Variants in SGSM2 observed in about 807,000 individuals in gnomAD.
The protein encoded by SGSM2 is RUN and TBC1 domain containing 1.
A neutral mutation model predicts 126.6 loss-of-function variants in SGSM2; 89 were observed. The observed-to-expected ratio is 0.70, with a 90% CI of 0.59 to 0.84. SGSM2 has a LOEUF of 0.84. Among genes scored for constraint, SGSM2 ranks in the 40% least tolerant of loss-of-function variants. SGSM2 has a pLI of 0.00. For synonymous variants in SGSM2, 614 were observed against 574.3 expected, an observed-to-expected ratio of 1.07 and a Z score of -0.99; for missense variants, 1,404 against 1,416.6, an observed-to-expected ratio of 0.99 and a Z score of 0.14.
Position 2,365,332 on chromosome 17 carries a change from C to T in SGSM2, c.1279C>T (p.His427Tyr). The T allele has an allele frequency of 1.9e-6, 3 of 1,559,554 alleles. No individual in the cohort carries two copies. Among genetic ancestry groups the T allele is most frequent in the Non-Finnish European group, 2.6e-6 (3 of 1,150,322 alleles). The change falls in exon 11 of 24, where the codon CAC (histidine) becomes TAC (tyrosine). Residue 427 changes from histidine to tyrosine, a missense_variant. Transcript: ENST00000268989. Reference protein sequence around the residue: ...VFRIIYPGHRHEHITINYHHL... With the variant: ...VFRIIYPGHRYEHITINYHHL... Reference sequence around the variant, plus strand: ...CCGGATCATCTACCCCGGCCACAGGCACGAGCACAGTGAGTGTCCCGAGCT... The same window carrying T: ...CCGGATCATCTACCCCGGCCACAGGTACGAGCACAGTGAGTGTCCCGAGCT...
intron 9 of SGSM2, 29 bp downstream of exon 9, chr17:2,364,692 G>C: frequency 1.2e-6 from 2 of 1,613,384 alleles, no homozygotes; most frequent in South Asian, 1.1e-5. Flanking sequence ...CGGCTCGGGT[G>C]GGAAGGGAGA....
At chr17:2,347,177 C>A (rs2151491609) in intron 2 of SGSM2, among the ~76,000 whole-genome samples, 1 of 152,288 alleles carries the variant, frequency 6.6e-6, no homozygotes. Context: ...GCTATCTCAG[C>A]TCACTGCAAC....
Position 2,364,136 on chromosome 17 carries a change from C to A in SGSM2, c.885C>A (p.Pro295=). 6.2e-7 allele frequency: 1 copy of A among 1,614,026 alleles called. No homozygotes were observed. Among genetic ancestry groups the A allele is most frequent in the Non-Finnish European group, 8.5e-7 (1 of 1,180,028 alleles). The change falls in exon 8 of 24, where the codon CCC becomes CCA. Residue 295 remains proline (P), a synonymous_variant. Coordinates refer to ENST00000268989, the MANE Select transcript of SGSM2 (RefSeq NM_014853.3). The stretch of plus-strand genomic sequence containing the variant: ...AGAGCCTGACTCTGAAGTGGACCCC[C>A]AACCAGCTCATGAATGGGACTCTGG... ...SAESLTLKWT[P]NQLMNGTLGD... is the part of the protein sequence containing the mutation.
chr17:2,345,106 C>G (rs917429557), intron 2 of SGSM2, among the ~76,000 whole-genome samples: 1 of 151,838 alleles, frequency 6.6e-6, no homozygotes, highest in African/African-American at 2.4e-5. Flanking sequence ...TTTTTCTCAG[C>G]AGAACCTATG....
In SGSM2 at chr17:2,372,862, GC is replaced by G; in HGVS notation, c.1789-87del. 6.7e-7 allele frequency: 1 copy of G among 1,496,972 alleles called. No individual in the cohort carries two copies. 92.7% of individuals were successfully genotyped at this position (1,496,972 alleles called of 1,614,324 possible). A position where few individuals can be genotyped will look rare whatever the true frequency, so the allele number is the denominator to read the frequency against. On this transcript the variant is annotated intron_variant, in intron 15 of 23. Coordinates refer to ENST00000268989, the MANE Select transcript of SGSM2 (RefSeq NM_014853.3). The surrounding 1 kb of genome is among the most constrained non-coding windows in gnomAD (Gnocchi z 6.0). ...GGCTTCAGCAGTCACTACAGGCCCC[GC>G]CCCAGCCCATTCTCCGTGGGATGGG... is the stretch of plus-strand genomic sequence containing the variant.
chr17:2,343,922 T>G (rs2064482950), intron 2 of SGSM2, among the ~76,000 whole-genome samples: 1 of 151,866 alleles, frequency 6.6e-6, no homozygotes, highest in Admixed American at 6.6e-5. Flanking sequence ...AACCCTGGAG[T>G]TTCTGATTCT....
chr17:2,378,402 T>A lies in SGSM2; in HGVS notation c.2899+449T>A, dbSNP rs538515181. Reference sequence around the variant, plus strand: ...GCCAGCCTGGCCAACATGGTGAAACTCCGTCTCTACTAAAAATACAAAAAT... The same window carrying A: ...GCCAGCCTGGCCAACATGGTGAAACACCGTCTCTACTAAAAATACAAAAAT... On this transcript the variant is annotated intron_variant, in intron 22 of 23. Transcript: ENST00000268989. Among the ~76,000 whole-genome samples, 16 of 152,024 alleles carry A rather than the reference T, an allele frequency of 1.1e-4. No homozygotes were observed. In the East Asian group the frequency reaches 2.7e-3, roughly 26 times the overall value.
At chr17:2,375,936 G>A (rs889411413) in intron 18 of SGSM2, 61 bp downstream of exon 18, 29 of 1,512,782 alleles carry the variant, frequency 1.9e-5, no homozygotes, top group Non-Finnish European at 2.3e-5. Flanking sequence ...ACATCCCAGA[G>A]CTGGGGAAGC....
At position 2,379,572 on chromosome 17, in the gene SGSM2, G is replaced by C; in HGVS notation, c.*52G>C. ...CAGAGCCTGGGCTCCGGCAGGGAGA[G>C]GTGCAGGGGAGTCACCGCCCAGACC... On this transcript the variant is annotated 3_prime_UTR_variant, in exon 24 of 24. Transcript: ENST00000268989. The C allele has an allele frequency of 6.3e-7, 1 of 1,582,920 alleles. No homozygotes were observed. The highest frequency in any genetic ancestry group is 8.6e-7 in the Non-Finnish European group (1 of 1,159,280).
In SGSM2 at chr17:2,372,862, G is replaced by A. The variant is rs943657828; in HGVS notation, c.1789-91G>A. 1.5e-5 allele frequency: 23 copies of A among 1,496,860 alleles called. No homozygotes were observed. In the East Asian group the frequency reaches 3.7e-4, roughly 24 times the overall value. 92.7% of individuals were successfully genotyped at this position (1,496,860 alleles called of 1,614,324 possible). ...GGCTTCAGCAGTCACTACAGGCCCC[G>A]CCCCAGCCCATTCTCCGTGGGATGG... On this transcript the variant is annotated intron_variant, in intron 15 of 23. Transcript: ENST00000268989. This position sits in a 1 kb window ranked among gnomAD's most constrained non-coding sequence, Gnocchi z 6.0.
In SGSM2 at chr17:2,372,704, G is replaced by A; in HGVS notation, c.1788+216G>A. 1 of 811,604 alleles carries A rather than the reference G, an allele frequency of 1.2e-6. No homozygotes were observed. The highest frequency in any genetic ancestry group is 1.9e-6 in the Non-Finnish European group (1 of 517,102). 50.3% of individuals were successfully genotyped at this position (811,604 alleles called of 1,614,324 possible). Reference sequence around the variant, plus strand: ...CCGTCCTGCCTCCACATCGCCCTGTGACCCTGGACAAAGCTTTGCCTCTCT... The same window carrying A: ...CCGTCCTGCCTCCACATCGCCCTGTAACCCTGGACAAAGCTTTGCCTCTCT... On this transcript the variant is annotated intron_variant, in intron 15 of 23. Coordinates refer to ENST00000268989, the MANE Select transcript of SGSM2 (RefSeq NM_014853.3). This position sits in a 1 kb window ranked among gnomAD's most constrained non-coding sequence, Gnocchi z 6.0.
Position 2,377,971 on chromosome 17 carries a change from T to C in SGSM2, c.2899+18T>C. ...TAAGAGAGGTAAGAAGTGGGTTGGA[T>C]CATGGGGCTGAGGTCAGGGACAGTG... On this transcript the variant is annotated intron_variant, in intron 22 of 23. Coordinates refer to ENST00000268989, the MANE Select transcript of SGSM2 (RefSeq NM_014853.3). 6.6e-7 allele frequency: 1 copy of C among 1,506,030 alleles called. No individual in the cohort carries two copies. The highest frequency in any genetic ancestry group is 9.2e-7 in the Non-Finnish European group (1 of 1,082,294). The allele number at this position is 1,506,030 out of a possible 1,614,324, so 93.3% of individuals were successfully genotyped here.
At chr17:2,366,231 C>G (rs2065577489) in intron 11 of SGSM2, among the ~76,000 whole-genome samples, 1 of 152,126 alleles carries the variant, frequency 6.6e-6, no homozygotes, top group Non-Finnish European at 1.5e-5. Context: ...CTGCCCCACC[C>G]TGGACACACA....
rs1477093702 is a variant in SGSM2, at chr17:2,367,490, G to C, written c.1423+85G>C. The C allele has an allele frequency of 1.2e-5, 17 of 1,449,998 alleles. No homozygotes were observed. Among genetic ancestry groups the C allele is most frequent in the Non-Finnish European group, 1.6e-5 (17 of 1,066,258 alleles). 89.8% of individuals were successfully genotyped at this position (1,449,998 alleles called of 1,614,324 possible). A position where few individuals can be genotyped will look rare whatever the true frequency, so the allele number is the denominator to read the frequency against. ...TGCCACCCACCACAGGGGTTCGAAC[G>C]GCAGTGTTGGCATTAGGGGACTTGC... On this transcript the variant is annotated intron_variant, in intron 12 of 23. Transcript: ENST00000268989. This position sits in a 1 kb window ranked among gnomAD's most constrained non-coding sequence, Gnocchi z 4.0.
chr17:2,341,175 G>A (rs2064352788), intron 1 of SGSM2, among the ~76,000 whole-genome samples: 2 of 152,098 alleles, frequency 1.3e-5, no homozygotes, highest in South Asian at 4.1e-4. Context: ...TGCCCAGGCT[G>A]GAGTGCGATC....
Position 2,380,723 on chromosome 17 carries a change from C to A in SGSM2, c.*1203C>A. On this transcript the variant is annotated 3_prime_UTR_variant, in exon 24 of 24. Transcript: ENST00000268989. ...CTTGCCCTGGAACATGGAGGCCCTG[C>A]CCGGGGCTGGGGCCTAGTCCAGCAG... The A allele has an allele frequency of 4.3e-6, 1 of 230,542 alleles. No individual in the cohort carries two copies. The highest frequency in any genetic ancestry group is 8.6e-6 in the Non-Finnish European group (1 of 116,014). 14.3% of individuals were successfully genotyped at this position (230,542 alleles called of 1,614,324 possible). A position where few individuals can be genotyped will look rare whatever the true frequency, so the allele number is the denominator to read the frequency against.
Position 2,372,587 on chromosome 17 carries a change from C to T in SGSM2, c.1788+99C>T. The T allele has an allele frequency of 2.0e-6, 3 of 1,481,724 alleles. No homozygotes were observed. The highest frequency in any genetic ancestry group is 1.2e-5 in the South Asian group (1 of 80,794). The allele number at this position is 1,481,724 out of a possible 1,614,324, so 91.8% of individuals were successfully genotyped here. A position where few individuals can be genotyped will look rare whatever the true frequency, so the allele number is the denominator to read the frequency against. On this transcript the variant is annotated intron_variant, in intron 15 of 23. Coordinates refer to ENST00000268989, the MANE Select transcript of SGSM2 (RefSeq NM_014853.3). This position sits in a 1 kb window ranked among gnomAD's most constrained non-coding sequence, Gnocchi z 6.0. ...TGTGCCAGTGGGTGCGGTTGACAGGCCAGGGCCGATGCCACGGAGTGACCA... is the reference window on the plus strand; with the variant it reads ...TGTGCCAGTGGGTGCGGTTGACAGGTCAGGGCCGATGCCACGGAGTGACCA...
intron 2 of SGSM2, among the ~76,000 whole-genome samples, chr17:2,352,886 T>C (rs1363506275): frequency 1.5e-5 from 2 of 133,598 alleles, no homozygotes; most frequent in African/African-American, 5.9e-5. Context: ...CACGCCATTC[T>C]CCTGCCTCAG....
intron 12 of SGSM2, among the ~76,000 whole-genome samples, chr17:2,368,994 A>C (rs893411293): frequency 6.6e-6 from 1 of 152,162 alleles, no homozygotes; most frequent in Non-Finnish European, 1.5e-5. Flanking sequence ...TTCCAGACCC[A>C]CTTCCAGGGG....
Sources: allele counts gnomAD v4.1 joint callset (sites outside exome capture counted in the v4.1 genomes callset), GRCh38; gene constraint gnomAD v4.1.1; non-coding constraint Gnocchi (gnomAD v3.1); transcripts MANE v1.5; gene names NCBI Gene and HGNC (gene_info 2026-07-23, HGNC 2026-07-21).